LIN28B: variants seen among roughly 807,000 people sequenced by gnomAD.
The protein encoded by LIN28B is protein lin-28 homolog B.
Under a neutral mutation model 21.9 loss-of-function variants are expected in LIN28B, and 5 were observed. The observed-to-expected ratio is 0.23, with a 90% confidence interval of 0.12 to 0.48. The LOEUF is 0.48. Among genes scored for constraint, LIN28B ranks in the 20% least tolerant of loss-of-function variants. The pLI, the probability that LIN28B is intolerant of heterozygous loss-of-function variation, is 0.98. For missense variants in LIN28B, 245 were observed against 310.5 expected, an observed-to-expected ratio of 0.79 and a Z score of 1.58; for synonymous variants, 109 against 111.3, an observed-to-expected ratio of 0.98 and a Z score of 0.13.
At chr6:105,031,653 C>T (rs139514071) in intron 3 of LIN28B, among the ~76,000 whole-genome samples, 5,416 of 151,886 alleles carry the variant, frequency 0.036, 320 homozygotes, top group African/African-American at 0.12. Flanking sequence ...CCTGCCTCAG[C>T]CTCCCGAGTA....
chr6:104,945,726 A>G (rs1024626859), intron 2 of LIN28B, among the ~76,000 whole-genome samples: 1 of 152,078 alleles, frequency 6.6e-6, no homozygotes, highest in African/African-American at 2.4e-5. Flanking sequence ...ATATGTTGGA[A>G]AATACAAACA....
At chr6:105,065,263 G>T (rs1443389165) in intron 3 of LIN28B, among the ~76,000 whole-genome samples, 1 of 152,184 alleles carries the variant, frequency 6.6e-6, no homozygotes, top group African/African-American at 2.4e-5. Flanking sequence ...CCCTCAGTCA[G>T]CAAGGAGGAG....
At chr6:105,069,686 C>T (rs1467272220) in intron 3 of LIN28B, among the ~76,000 whole-genome samples, 4 of 148,608 alleles carry the variant, frequency 2.7e-5, no homozygotes, top group South Asian at 4.2e-4. Flanking sequence ...AAGACCCTGT[C>T]TCAAAAAAAA....
intron 3 of LIN28B, among the ~76,000 whole-genome samples, chr6:105,078,143 G>C (rs1296147425): frequency 6.6e-6 from 1 of 152,136 alleles, no homozygotes; most frequent in Non-Finnish European, 1.5e-5. Flanking sequence ...ATATGGAAGT[G>C]ATTAAATATT....
At chr6:104,994,548 C>T (rs574331931) in intron 2 of LIN28B, among the ~76,000 whole-genome samples, 1 of 152,240 alleles carries the variant, frequency 6.6e-6, no homozygotes, top group South Asian at 2.1e-4. Flanking sequence ...GACATAGATC[C>T]TGTTGGGAAA....
Position 105,005,175 on chromosome 6 carries a change from A to G in LIN28B, c.199-21123A>G, listed in dbSNP as rs560909236. On this transcript the variant is annotated intron_variant, in intron 2 of 3. Coordinates refer to ENST00000345080, the MANE Select transcript of LIN28B (RefSeq NM_001004317.4). The stretch of plus-strand genomic sequence containing the variant: ...ATCTTCTGGTGTTCGCTGTTGCTGT[A>G]GAGAACTCAGGTGCCCTTCTGATTC... Among the ~76,000 whole-genome samples, 7 of 152,278 alleles carry G rather than the reference A, an allele frequency of 4.6e-5. No individual in the cohort carries two copies. In the South Asian group the frequency reaches 1.5e-3, roughly 32 times the overall value.
At chr6:105,029,750 A>G (rs745524864) in intron 3 of LIN28B, among the ~76,000 whole-genome samples, 3 of 152,200 alleles carry the variant, frequency 2.0e-5, no homozygotes, top group Non-Finnish European at 2.9e-5. Flanking sequence ...TGTTGACTTC[A>G]TGGCTACAGC....
At chr6:104,984,974 A>G (rs1770305191) in intron 2 of LIN28B, among the ~76,000 whole-genome samples, 1 of 152,176 alleles carries the variant, frequency 6.6e-6, no homozygotes, top group African/African-American at 2.4e-5. Flanking sequence ...AGGTGTCTAG[A>G]CAATTAAGAA....
At chr6:104,953,495 G>A (rs532107438), upstream of LIN28B, among the ~76,000 whole-genome samples, 1 of 152,288 alleles carries the variant, frequency 6.6e-6, no homozygotes, top group East Asian at 1.9e-4. Flanking sequence ...GTGAAGGCAG[G>A]GATTTCTTTT....
intron 3 of LIN28B, among the ~76,000 whole-genome samples, chr6:105,048,309 G>T (rs2114379434): frequency 6.6e-6 from 1 of 152,300 alleles, no homozygotes; most frequent in South Asian, 2.1e-4. Context: ...CTGTTTATAT[G>T]CTGGATTACG....
At chr6:104,983,042 A>G (rs1770259309) in intron 2 of LIN28B, among the ~76,000 whole-genome samples, 1 of 152,126 alleles carries the variant, frequency 6.6e-6, no homozygotes, top group Admixed American at 6.6e-5. Context: ...TGCTGGCCTC[A>G]AGTGATCTTC....
intron 3 of LIN28B, among the ~76,000 whole-genome samples, chr6:105,050,819 ACC>A (rs1297903767): frequency 6.6e-5 from 10 of 151,334 alleles, no homozygotes; most frequent in Admixed American, 5.2e-4. Flanking sequence ...GACAGAGATC[ACC>A]AAAATCTCTG....
At chr6:105,027,972 A>T (rs914817953) in intron 3 of LIN28B, among the ~76,000 whole-genome samples, 2 of 152,202 alleles carry the variant, frequency 1.3e-5, no homozygotes, top group African/African-American at 4.8e-5. Flanking sequence ...TTTGTACAAA[A>T]GAAAGTCCAT....
chr6:104,958,534 C>A (rs1769634453), intron 2 of LIN28B, among the ~76,000 whole-genome samples: 1 of 152,070 alleles, frequency 6.6e-6, no homozygotes, highest in Non-Finnish European at 1.5e-5. Context: ...TTAGCATTTC[C>A]CCCTGCTTCA....
chr6:104,997,936 C>A (rs919951303), intron 2 of LIN28B, among the ~76,000 whole-genome samples: 2 of 151,900 alleles, frequency 1.3e-5, no homozygotes, highest in Non-Finnish European at 2.9e-5. Context: ...AAAAGACTGT[C>A]TTATTTATAT....
At chr6:105,009,891 T>G (rs1414795151) in intron 2 of LIN28B, among the ~76,000 whole-genome samples, 1 of 152,194 alleles carries the variant, frequency 6.6e-6, no homozygotes, top group African/African-American at 2.4e-5. Context: ...GCAGATTCAC[T>G]TCAAAGTTCT....
At chr6:105,052,888 G>T (rs1203470) in intron 3 of LIN28B, among the ~76,000 whole-genome samples, 117,856 of 151,824 alleles carry the variant, frequency 0.78, 46,616 homozygotes, top group Non-Finnish European at 0.86. Flanking sequence ...ATTGGTTTCT[G>T]CTCTTGATTA....
intron 3 of LIN28B, among the ~76,000 whole-genome samples, chr6:105,049,654 TC>T (rs1490923915): frequency 3.9e-5 from 6 of 152,030 alleles, no homozygotes; most frequent in Non-Finnish European, 7.4e-5. Context: ...TTTGTAGTTC[TC>T]TAAGGACTTG....
At chr6:105,077,246 T>C (rs1149285) in intron 3 of LIN28B, among the ~76,000 whole-genome samples, 1,528 of 152,184 alleles carry the variant, frequency 0.01, 20 homozygotes, top group African/African-American at 0.035. Context: ...ATATATAACC[T>C]GTTGTTCTTT....
Sources: allele counts gnomAD v4.1 joint callset (sites outside exome capture counted in the v4.1 genomes callset), GRCh38; gene constraint gnomAD v4.1.1; transcripts MANE v1.5; gene names NCBI Gene and HGNC (gene_info 2026-07-23, HGNC 2026-07-21).